KLHL8: variants seen among roughly 807,000 people sequenced by gnomAD.
KLHL8 encodes kelch-like protein 8.
KLHL8 carries 38 observed loss-of-function variants against 63.5 expected under a neutral mutation model. The ratio of observed to expected loss-of-function variants is 0.60; its 90% confidence interval spans 0.46 to 0.78. KLHL8 has a LOEUF of 0.78. KLHL8 is among the 30% of genes least tolerant of loss of function. KLHL8 has a pLI of 0.00. For missense variants in KLHL8, 566 were observed against 752.4 expected, an observed-to-expected ratio of 0.75 and a Z score of 2.90; for synonymous variants, 224 against 254.3, an observed-to-expected ratio of 0.88 and a Z score of 1.13.
intron 1 of KLHL8, among the ~76,000 whole-genome samples, chr4:87,219,268 G>A (rs979181608): frequency 8.5e-5 from 13 of 152,202 alleles, no homozygotes; most frequent in African/African-American, 3.1e-4. Flanking sequence ...GCAGTCCTCT[G>A]CGTACCCAAG....
chr4:87,225,839 C>T (rs538640460), intron 1 of KLHL8, among the ~76,000 whole-genome samples: 2 of 152,198 alleles, frequency 1.3e-5, no homozygotes, highest in South Asian at 2.1e-4. Context: ...TTTTGAAATG[C>T]GGGTGTTGTT....
intron 1 of KLHL8, among the ~76,000 whole-genome samples, chr4:87,236,832 T>C (rs1375831479): frequency 6.6e-6 from 1 of 151,876 alleles, no homozygotes; most frequent in African/African-American, 2.4e-5. Flanking sequence ...GCCCGGCTAA[T>C]TTTGTATTTT....
chr4:87,174,760 T>C (rs2149833763), intron 6 of KLHL8, among the ~76,000 whole-genome samples: 1 of 152,194 alleles, frequency 6.6e-6, no homozygotes, highest in East Asian at 1.9e-4. Flanking sequence ...AACAGAACAA[T>C]AAAGTTGAAA....
At chr4:87,172,239 C>T (rs1017248245) in intron 6 of KLHL8, among the ~76,000 whole-genome samples, 19 of 152,192 alleles carry the variant, frequency 1.2e-4, no homozygotes, top group Non-Finnish European at 2.2e-4. Context: ...CTGGCAGTGA[C>T]TTGTAGCCAA....
intron 2 of KLHL8, among the ~76,000 whole-genome samples, chr4:87,191,445 G>A (rs1731484613): frequency 1.3e-5 from 2 of 152,184 alleles, no homozygotes; most frequent in Admixed American, 1.3e-4. Flanking sequence ...CTGGGTGACA[G>A]AGCAAGACCT....
chr4:87,204,595 C>G (rs1285026310), intron 1 of KLHL8, among the ~76,000 whole-genome samples: 2 of 152,186 alleles, frequency 1.3e-5, no homozygotes, highest in East Asian at 3.8e-4. Flanking sequence ...GATAAACAAA[C>G]TGTGGGTACA....
chr4:87,201,391 A>C (rs948257102), intron 1 of KLHL8, among the ~76,000 whole-genome samples: 1 of 152,236 alleles, frequency 6.6e-6, no homozygotes, highest in Admixed American at 6.5e-5. Context: ...TACACAAAGC[A>C]AAACCAAAAA....
At chr4:87,195,200 T>G in intron 2 of KLHL8, 124 bp downstream of exon 2, 1 of 672,004 alleles carries the variant, frequency 1.5e-6, no homozygotes. Context: ...AGATTGAGAC[T>G]AAAAGCATTC....
intron 1 of KLHL8, among the ~76,000 whole-genome samples, chr4:87,226,786 A>T (rs1239516792): frequency 1.6e-4 from 2 of 12,494 alleles, no homozygotes; most frequent in Admixed American, 1.9e-3. Flanking sequence ...TATATATATA[A>T]TATATATTAT....
chr4:87,211,881 T>G lies in KLHL8; in HGVS notation c.-152+8537A>C, dbSNP rs532704744. 2.6e-5 allele frequency among the ~76,000 whole-genome samples: 4 copies of G among 152,282 alleles called. No individual in the cohort carries two copies. The South Asian group carries it at 8.3e-4, about 32-fold the overall frequency. ...GTCATAGTTAAACTTAAGTGTGAAT[T>G]AGATGCCTGCAACAGCTCGATGTCA... is the stretch of plus-strand genomic sequence containing the variant. On this transcript the variant is annotated intron_variant, in intron 1 of 9. Coordinates refer to ENST00000273963, the MANE Select transcript of KLHL8 (RefSeq NM_020803.5).
intron 1 of KLHL8, among the ~76,000 whole-genome samples, chr4:87,230,498 A>G (rs368026213): frequency 1.1e-4 from 17 of 152,314 alleles, no homozygotes; most frequent in African/African-American, 4.1e-4. Flanking sequence ...CCTCATTCCA[A>G]CTGTCATGTA....
intron 2 of KLHL8, among the ~76,000 whole-genome samples, chr4:87,187,152 C>T (rs1292567290): frequency 1.3e-5 from 2 of 152,116 alleles, no homozygotes; most frequent in African/African-American, 2.4e-5. Flanking sequence ...TCAAAGGATA[C>T]AATGTGAATA....
chr4:87,177,005 GATCA>G, intron 5 of KLHL8, 137 bp from the exon 6 acceptor site: 1 of 507,398 alleles, frequency 2.0e-6, no homozygotes, highest in African/African-American at 2.0e-5. Context: ...TCAACATTAT[GATCA>G]ATGTCATTTC....
intron 1 of KLHL8, among the ~76,000 whole-genome samples, chr4:87,211,385 T>C (rs897067678): frequency 1.3e-5 from 2 of 152,220 alleles, no homozygotes; most frequent in African/African-American, 4.8e-5. Flanking sequence ...CAGTCCAAAA[T>C]ATACCAATCA....
intron 1 of KLHL8, among the ~76,000 whole-genome samples, chr4:87,218,434 G>T (rs1000316241): frequency 6.6e-6 from 1 of 152,004 alleles, no homozygotes; most frequent in Non-Finnish European, 1.5e-5. Flanking sequence ...GGCCAGGATG[G>T]TCTTGATCTC....
chr4:87,216,423 T>C lies in KLHL8; in HGVS notation c.-152+3995A>G, dbSNP rs529205938. Among the ~76,000 whole-genome samples, 7 of 152,310 alleles carry C rather than the reference T, an allele frequency of 4.6e-5. No individual in the cohort carries two copies. In the South Asian group the frequency reaches 1.0e-3, roughly 23 times the overall value. ...AACATTTTTACTAAAGAAACCTGCC[T>C]AGATCATTGAAGCTAGTGGTTTCCT... is the stretch of plus-strand genomic sequence containing the variant. On this transcript the variant is annotated intron_variant, in intron 1 of 9. Transcript: ENST00000273963.
rs753617435 is a variant in KLHL8, at chr4:87,178,472, C to T, written c.1096+5G>A. 1 of 1,599,868 alleles carries T rather than the reference C, an allele frequency of 6.3e-7. No homozygotes were observed. ...ATATGATATTTCAGACAAGAGTGGACCCACCTTCCACAGAGATTACACCCA... is the reference window on the plus strand; with the variant it reads ...ATATGATATTTCAGACAAGAGTGGATCCACCTTCCACAGAGATTACACCCA... On this transcript the variant is annotated splice_donor_5th_base_variant and intron_variant, in intron 5 of 9. Coordinates refer to ENST00000273963, the MANE Select transcript of KLHL8 (RefSeq NM_020803.5).
At chr4:87,207,802 G>T (rs566760782) in intron 1 of KLHL8, 22 of 969,512 alleles carry the variant, frequency 2.3e-5, no homozygotes, top group Non-Finnish European at 3.7e-5. Flanking sequence ...CACTGCCAAG[G>T]TGTCGGTCAT....
chr4:87,163,784 G>A, intron 9 of KLHL8, 94 bp downstream of exon 9: 1 of 1,521,426 alleles, frequency 6.6e-7, no homozygotes, highest in Non-Finnish European at 9.1e-7. Flanking sequence ...CCAAAGCTTA[G>A]TATTAACTAC....
Sources: gnomAD v4.1 joint callset for allele counts (sites outside exome capture counted in the v4.1 genomes callset) on GRCh38, gnomAD v4.1.1 for gene constraint, MANE v1.5 for transcripts, NCBI Gene and HGNC (gene_info 2026-07-23, HGNC 2026-07-21) for gene names.